Variants in CACNA2D3 observed in about 807,000 individuals in gnomAD.
The protein encoded by CACNA2D3 is voltage-dependent calcium channel subunit alpha-2/delta-3.
Under a neutral mutation model 160.6 loss-of-function variants are expected in CACNA2D3, and 60 were observed. The ratio of observed to expected loss-of-function variants is 0.37; its 90% CI spans 0.30 to 0.46. The LOEUF (loss-of-function observed/expected upper bound fraction) is 0.46, where lower values mean the gene tolerates loss of function less well. Ranked by LOEUF, CACNA2D3 falls within the 20% of genes least tolerant of loss-of-function variation. CACNA2D3 has a pLI of 1.00. For synonymous variants in CACNA2D3, 558 were observed against 492.9 expected (o/e 1.13, Z -1.75); for missense variants, 1,205 against 1,365.0 (o/e 0.88, Z 1.85).
At chr3:54,962,222 T>C (rs1374762159) in intron 27 of CACNA2D3, among the ~76,000 whole-genome samples, 1 of 152,104 alleles carries the variant, frequency 6.6e-6, no homozygotes, top group African/African-American at 2.4e-5. Flanking sequence ...ATAGCACAGG[T>C]TTTGAATGGT....
intron 3 of CACNA2D3, among the ~76,000 whole-genome samples, chr3:54,365,534 C>T (rs1302296330): frequency 1.3e-5 from 2 of 152,156 alleles, no homozygotes; most frequent in Admixed American, 1.3e-4. Context: ...TGAGTAATGA[C>T]TGTATGCCAG....
intron 2 of CACNA2D3, among the ~76,000 whole-genome samples, chr3:54,129,813 A>G (rs1437019305): frequency 2.0e-5 from 3 of 152,204 alleles, no homozygotes; most frequent in Non-Finnish European, 4.4e-5. Context: ...TTACCGTAAT[A>G]CTTATTAAGT....
intron 4 of CACNA2D3, among the ~76,000 whole-genome samples, chr3:54,483,276 C>G (rs2106904066): frequency 6.6e-6 from 1 of 152,116 alleles, no homozygotes; most frequent in Middle Eastern, 3.4e-3. Context: ...GGTCTTGATG[C>G]ACAGAGCCTA....
At chr3:54,858,905 A>G (rs1393030745) in intron 17 of CACNA2D3, among the ~76,000 whole-genome samples, 1 of 152,230 alleles carries the variant, frequency 6.6e-6, no homozygotes, top group Non-Finnish European at 1.5e-5. Flanking sequence ...AAGACCTTCC[A>G]TCTGAATCCC....
At position 54,809,320 on chromosome 3, in the gene CACNA2D3, T is replaced by TCATTC; in HGVS notation, c.1381-7533_1381-7532insCATTC. Among the ~76,000 whole-genome samples the TCATTC allele has an allele frequency of 5.3e-4, 58 of 109,490 alleles. 4 individuals are homozygous for TCATTC. Among genetic ancestry groups the TCATTC allele is most frequent in the African/African-American group, 1.9e-3 (46 of 23,766 alleles). 71.8% of individuals were successfully genotyped at this position (109,490 alleles called of 152,430 possible). A position where few individuals can be genotyped will look rare whatever the true frequency, so the allele number is the denominator to read the frequency against. ...CCTTCCTTCCTTCTTTCTTTTTTTT[T>TCATTC]TTTTTTTTTGAGACGGAGTCTCGCT... On this transcript the variant is annotated intron_variant, in intron 13 of 37. Transcript: ENST00000474759.
At chr3:54,685,217 C>G (rs879743100) in intron 11 of CACNA2D3, among the ~76,000 whole-genome samples, 2 of 152,076 alleles carry the variant, frequency 1.3e-5, no homozygotes, top group Admixed American at 1.3e-4. Context: ...AAATCAACAA[C>G]AAGAAAAAGA....
chr3:54,791,528 C>T (rs762142501), intron 13 of CACNA2D3, among the ~76,000 whole-genome samples: 10 of 152,068 alleles, frequency 6.6e-5, no homozygotes, highest in Admixed American at 1.3e-4. Context: ...TTAACCAAAC[C>T]GTGCATTTAA....
intron 11 of CACNA2D3, among the ~76,000 whole-genome samples, chr3:54,736,003 A>ATG (rs1297688938): frequency 0.026 from 2,571 of 99,232 alleles, 101 homozygotes; most frequent in Non-Finnish European, 0.037. Flanking sequence ...ACATATATAT[A>ATG]TATGTATATA....
chr3:54,124,567 T>C (rs2107242476), intron 2 of CACNA2D3, among the ~76,000 whole-genome samples: 1 of 152,366 alleles, frequency 6.6e-6, no homozygotes, highest in African/African-American at 2.4e-5. Flanking sequence ...TGGGCCAATG[T>C]ACCATATGTG....
intron 13 of CACNA2D3, among the ~76,000 whole-genome samples, chr3:54,777,333 A>G (rs909110862): frequency 1.3e-5 from 2 of 152,080 alleles, no homozygotes; most frequent in African/African-American, 4.8e-5. Context: ...CCCACTTATG[A>G]GTGAAATGGC....
chr3:54,269,899 AG>A (rs1702587647), intron 2 of CACNA2D3, among the ~76,000 whole-genome samples: 1 of 152,234 alleles, frequency 6.6e-6, no homozygotes, highest in Admixed American at 6.5e-5. Flanking sequence ...ACTTGAGAAA[AG>A]ACCTTAATAC....
At chr3:54,956,728 C>T (rs1701905162) in intron 27 of CACNA2D3, among the ~76,000 whole-genome samples, 1 of 152,126 alleles carries the variant, frequency 6.6e-6, no homozygotes, top group South Asian at 2.1e-4. Flanking sequence ...AATCAGTCAT[C>T]ATTACCTAGG....
chr3:54,654,006 A>G (rs896913502), intron 11 of CACNA2D3, among the ~76,000 whole-genome samples: 2 of 152,114 alleles, frequency 1.3e-5, no homozygotes, highest in African/African-American at 2.4e-5. Context: ...GCCCCACCCA[A>G]TGGGGAGCAC....
intron 27 of CACNA2D3, among the ~76,000 whole-genome samples, chr3:54,930,781 T>C (rs1294128009): frequency 1.3e-5 from 2 of 152,166 alleles, no homozygotes; most frequent in Admixed American, 6.5e-5. Context: ...CTAGCACATA[T>C]CTGGTAGAGC....
At chr3:54,140,848 A>G (rs1050801286) in intron 2 of CACNA2D3, among the ~76,000 whole-genome samples, 1 of 152,168 alleles carries the variant, frequency 6.6e-6, no homozygotes, top group Non-Finnish European at 1.5e-5. Flanking sequence ...GAAAATATCT[A>G]TGGAATAAAT....
chr3:54,270,315 T>C (rs1702595714), intron 2 of CACNA2D3, among the ~76,000 whole-genome samples: 1 of 152,242 alleles, frequency 6.6e-6, no homozygotes, highest in Admixed American at 6.5e-5. Context: ...AAGCCTTGCC[T>C]TATATAAATA....
chr3:54,813,485 A>T (rs974282272), intron 13 of CACNA2D3, among the ~76,000 whole-genome samples: 10 of 152,250 alleles, frequency 6.6e-5, no homozygotes, highest in African/African-American at 1.9e-4. Context: ...TTTCAAATCT[A>T]TTCCTCTAGC....
At chr3:54,753,558 C>A in intron 12 of CACNA2D3, among the ~76,000 whole-genome samples, 1 of 152,230 alleles carries the variant, frequency 6.6e-6, no homozygotes, top group South Asian at 2.1e-4. Context: ...TGCCAACCCA[C>A]ACTGGATTAT....
chr3:54,889,494 G>T (rs534173703), intron 24 of CACNA2D3, among the ~76,000 whole-genome samples: 2 of 152,186 alleles, frequency 1.3e-5, no homozygotes, highest in South Asian at 4.1e-4. Flanking sequence ...GGGTAGGGAG[G>T]TTGAGCCATC....
Sources: allele counts gnomAD v4.1 joint callset (sites outside exome capture counted in the v4.1 genomes callset), GRCh38; gene constraint gnomAD v4.1.1; transcripts MANE v1.5; gene names NCBI Gene and HGNC (gene_info 2026-07-23, HGNC 2026-07-21).